RIPK2: variants seen among roughly 807,000 people sequenced by gnomAD.
The protein encoded by RIPK2 is receptor interacting serine/threonine kinase 2.
RIPK2 carries 38 observed loss-of-function variants against 60.9 expected under a neutral mutation model. The ratio of observed to expected loss-of-function variants is 0.62; its 90% CI spans 0.48 to 0.82. RIPK2 has a LOEUF of 0.82. RIPK2 is among the 40% of genes least tolerant of loss of function. The probability of loss-of-function intolerance (pLI) is 0.00; values close to 1 mark genes in which losing one functional copy is unlikely to be tolerated. For missense variants in RIPK2, 518 were observed against 647.0 expected, an observed-to-expected ratio of 0.80 and a Z score of 2.16; for synonymous variants, 225 against 223.4, an observed-to-expected ratio of 1.01 and a Z score of -0.06.
rs777193116 is a variant in RIPK2, at chr8:89,789,382, T to C, written c.1185T>C (p.Asp395=). 6.2e-7 allele frequency: 1 copy of C among 1,614,084 alleles called. No homozygotes were observed. The highest frequency in any genetic ancestry group is 8.5e-7 in the Non-Finnish European group (1 of 1,179,952). The part of the protein sequence containing the change: ...LHHCPGNHSW[D]STISGSQRAA... ...ACTGTCCTGGAAATCACAGTTGGGA[T>C]AGCACCATTTCTGGATCTCAAAGGG... Residue 395 remains aspartate (D), a synonymous_variant, in exon 10 of 11, where the codon GAT becomes GAC. Coordinates refer to ENST00000220751, the MANE Select transcript of RIPK2 (RefSeq NM_003821.6).
chr8:89,773,456 A>G (rs1809346650), intron 6 of RIPK2, among the ~76,000 whole-genome samples: 1 of 152,212 alleles, frequency 6.6e-6, no homozygotes, highest in African/African-American at 2.4e-5. Flanking sequence ...TGGCTGGAAT[A>G]CAGTGAGCAA....
At chr8:89,763,030 C>T in intron 2 of RIPK2, 48 bp downstream of exon 2, 1 of 1,178,316 alleles carries the variant, frequency 8.5e-7, no homozygotes, top group Non-Finnish European at 1.1e-6. Context: ...TTTTACTATT[C>T]AAACTATATT....
chr8:89,790,353 C>T lies in RIPK2; in HGVS notation c.1560C>T (p.Tyr520=). The part of the protein sequence containing the change: ...KDNKQMGLQP[Y]PEILVVSRSP... ...ACAAACAAATGGGTCTTCAGCCTTA[C>T]CCGGAAATACTTGTGGTTTCTAGAT... is the stretch of plus-strand genomic sequence containing the variant. Residue 520 remains tyrosine, a synonymous_variant, in exon 11 of 11, where the codon TAC becomes TAT. Coordinates refer to ENST00000220751, the MANE Select transcript of RIPK2 (RefSeq NM_003821.6). 1 of 1,612,928 alleles carries T rather than the reference C, an allele frequency of 6.2e-7. No homozygotes were observed. The highest frequency in any genetic ancestry group is 8.5e-7 in the Non-Finnish European group (1 of 1,179,528).
chr8:89,765,538 A>G lies in RIPK2; in HGVS notation c.483+42A>G, dbSNP rs1251690669. On this transcript the variant is annotated intron_variant, in intron 3 of 10. Coordinates refer to ENST00000220751, the MANE Select transcript of RIPK2 (RefSeq NM_003821.6). The stretch of plus-strand genomic sequence containing the variant: ...AAAGTTTATGTTTCCTTGTCCTTAT[A>G]GTTTTAAAAATACTTTTTAGTTATT... 3.0e-6 allele frequency: 4 copies of G among 1,336,156 alleles called. No individual in the cohort carries two copies. In the African/African-American group the frequency reaches 4.4e-5, roughly 15 times the overall value. 82.8% of individuals were successfully genotyped at this position (1,336,156 alleles called of 1,614,324 possible). A position where few individuals can be genotyped will look rare whatever the true frequency, so the allele number is the denominator to read the frequency against.
chr8:89,765,008 G>C (rs955787501), intron 2 of RIPK2, among the ~76,000 whole-genome samples: 8 of 151,930 alleles, frequency 5.3e-5, no homozygotes, highest in Non-Finnish European at 1.2e-4. Flanking sequence ...GGTGGATGTG[G>C]GTGTAAGTAT....
chr8:89,787,359 T>C (rs565160102), intron 9 of RIPK2, among the ~76,000 whole-genome samples: 18 of 152,306 alleles, frequency 1.2e-4, no homozygotes, highest in African/African-American at 4.3e-4. Flanking sequence ...CACAACAACC[T>C]TGTGAGAGAA....
chr8:89,769,991 G>A, intron 4 of RIPK2, 62 bp downstream of exon 4: 3 of 1,289,140 alleles, frequency 2.3e-6, no homozygotes, highest in East Asian at 5.5e-5. Context: ...TAGTCAACCA[G>A]AATTTTGAAG....
intron 6 of RIPK2, among the ~76,000 whole-genome samples, chr8:89,774,535 A>C (rs904713197): frequency 6.6e-6 from 1 of 152,182 alleles, no homozygotes; most frequent in Non-Finnish European, 1.5e-5. Flanking sequence ...GCAATCCACT[A>C]ACAGGTAAAC....
At chr8:89,771,347 C>T (rs534465381) in intron 4 of RIPK2, among the ~76,000 whole-genome samples, 62 of 146,864 alleles carry the variant, frequency 4.2e-4, no homozygotes, top group Non-Finnish European at 8.1e-4. Flanking sequence ...TTTCTACTAC[C>T]AAAGAAGATA....
chr8:89,758,220 C>T lies in RIPK2; in HGVS notation c.160C>T (p.Pro54Ser). The T allele has an allele frequency of 6.2e-7, 1 of 1,607,092 alleles. No homozygotes were observed. The highest frequency in any genetic ancestry group is 8.5e-7 in the Non-Finnish European group (1 of 1,177,726). Residue 54 changes from proline (P) to serine (S), a missense_variant, in exon 1 of 11, where the codon CCG becomes TCG. Pro to Ser is a moderately conservative substitution (Grantham distance 74). Transcript: ENST00000220751. ...CGTGAAGCACCTGCACATCCACACT[C>T]CGCTGCTCGACAGGTAGGCAGTCAC... ...VAVKHLHIHT[P>S]LLDSERKDVL...
chr8:89,764,872 T>C (rs1232597825), intron 2 of RIPK2, among the ~76,000 whole-genome samples: 1 of 152,114 alleles, frequency 6.6e-6, no homozygotes, highest in Non-Finnish European at 1.5e-5. Context: ...TATGATTTTA[T>C]AGTAATAGAA....
intron 1 of RIPK2, chr8:89,759,368 T>C (rs1809107499): frequency 4.4e-6 from 2 of 456,332 alleles, no homozygotes; most frequent in Non-Finnish European, 8.8e-6. Context: ...TTAACATCCA[T>C]GATTACAACA....
chr8:89,789,132 C>T (rs970529618), intron 9 of RIPK2, among the ~76,000 whole-genome samples, 189 bp from the exon 10 acceptor site: 1 of 152,158 alleles, frequency 6.6e-6, no homozygotes, highest in Non-Finnish European at 1.5e-5. Context: ...GTAGTGAAAG[C>T]ATTCCATATA....
chr8:89,785,501 C>T (rs887002478), intron 8 of RIPK2, among the ~76,000 whole-genome samples: 3 of 151,988 alleles, frequency 2.0e-5, no homozygotes, highest in East Asian at 1.9e-4. Context: ...ATTAAGTTAC[C>T]TTCAGGCTGT....
rs1350172953 is a variant in RIPK2 at position 89,758,208 on chromosome 8, C to T, written c.148C>T (p.His50Tyr). The T allele has an allele frequency of 1.2e-6, 2 of 1,609,336 alleles. No individual in the cohort carries two copies. Among genetic ancestry groups the T allele is most frequent in the Admixed American group, 1.7e-5 (1 of 59,748 alleles). ...WRVQVAVKHLHIHTPLLDSER... is the reference protein window; with the variant it reads ...WRVQVAVKHLYIHTPLLDSER... The stretch of plus-strand genomic sequence containing the variant: ...CGTCCAGGTGGCCGTGAAGCACCTG[C>T]ACATCCACACTCCGCTGCTCGACAG... The change falls in exon 1 of 11, where the codon CAC becomes TAC. Residue 50 changes from histidine to tyrosine, a missense_variant. His to Tyr is a moderately conservative substitution (Grantham distance 83, BLOSUM62 2). Around this residue, in one of 3 missense-constraint regions of RIPK2, gnomAD observed 448 missense variants for 534.7 expected, o/e 0.84. Transcript: ENST00000220751.
chr8:89,785,867 G>C (rs942307967), intron 8 of RIPK2, among the ~76,000 whole-genome samples: 1 of 152,160 alleles, frequency 6.6e-6, no homozygotes, highest in African/African-American at 2.4e-5. Context: ...CCATGACAGA[G>C]CTAGGAGTAA....
chr8:89,760,183 G>A (rs1187536504), intron 1 of RIPK2, among the ~76,000 whole-genome samples: 3 of 151,674 alleles, frequency 2.0e-5, no homozygotes, highest in East Asian at 1.9e-4. Context: ...TGTGTTTCTC[G>A]GACTATGGAG....
chr8:89,769,716 A>G, intron 3 of RIPK2, 56 bp from the exon 4 acceptor site: 1 of 1,254,820 alleles, frequency 8.0e-7, no homozygotes, highest in Non-Finnish European at 1.1e-6. Context: ...AAGATAGTTG[A>G]CTTTTGGACT....
At chr8:89,768,622 C>T (rs1809265937) in intron 3 of RIPK2, among the ~76,000 whole-genome samples, 2 of 151,670 alleles carry the variant, frequency 1.3e-5, no homozygotes, top group Admixed American at 1.3e-4. Context: ...AACTGCTTTT[C>T]TCAGCTGTTC....
Sources: allele counts gnomAD v4.1 joint callset (sites outside exome capture counted in the v4.1 genomes callset), GRCh38; gene constraint gnomAD v4.1.1; regional missense constraint gnomAD v4.1.1; transcripts MANE v1.5; gene names NCBI Gene and HGNC (gene_info 2026-07-23, HGNC 2026-07-21).